The following SUPT4H1 variants were observed in gnomAD, a reference collection of about 807,000 sequenced individuals.
The protein encoded by SUPT4H1 is SPT4 homolog, DSIF elongation factor subunit, also known as transcription elongation factor SPT4.
Under a neutral mutation model 19.4 loss-of-function variants are expected in SUPT4H1, and 12 were observed. That is an observed-to-expected ratio of 0.62 (90% CI 0.40 to 1.00). The LOEUF (loss-of-function observed/expected upper bound fraction) is 1.00, where lower values mean the gene tolerates loss of function less well. Ranked by LOEUF, SUPT4H1 falls within the 50% of genes least tolerant of loss-of-function variation. SUPT4H1 has a pLI of 0.00. For missense variants in SUPT4H1, 115 were observed against 149.2 expected, an observed-to-expected ratio of 0.77 and a Z score of 1.19; for synonymous variants, 58 against 56.3, an observed-to-expected ratio of 1.03 and a Z score of -0.14.
intron 2 of SUPT4H1, among the ~76,000 whole-genome samples, chr17:58,350,824 G>A (rs1175070173): frequency 1.1e-4 from 8 of 71,926 alleles, no homozygotes; most frequent in East Asian, 4.7e-4. Context: ...TGGCAAGGGC[G>A]AAAAGTCTGT....
intron 2 of SUPT4H1, among the ~76,000 whole-genome samples, chr17:58,349,957 G>GT (rs1240028998): frequency 1.3e-5 from 2 of 152,038 alleles, no homozygotes; most frequent in African/African-American, 4.8e-5. Flanking sequence ...TTGCACAACA[G>GT]TGAGTATGCA....
At chr17:58,351,751 C>A in intron 1 of SUPT4H1, 1 of 574,892 alleles carries the variant, frequency 1.7e-6, no homozygotes, top group Non-Finnish European at 3.1e-6. Context: ...CAGGGTCAGG[C>A]ATCCTTTCCG....
In SUPT4H1 at chr17:58,347,512, G is replaced by A. The variant is rs941239693; in HGVS notation, c.232+17C>T. On this transcript the variant is annotated intron_variant, in intron 3 of 4. Coordinates refer to ENST00000225504, the MANE Select transcript of SUPT4H1 (RefSeq NM_003168.3). ...CAACACTACAACTAAGCCAAAAGGA[G>A]ACAGGCCAACACTTACTGACTCGCT... 12 of 1,614,108 alleles carry A rather than the reference G, an allele frequency of 7.4e-6. No homozygotes were observed. The highest frequency in any genetic ancestry group is 1.0e-5 in the Non-Finnish European group (12 of 1,179,962).
intron 2 of SUPT4H1, among the ~76,000 whole-genome samples, chr17:58,348,039 T>C (rs2143302795): frequency 6.6e-6 from 1 of 152,304 alleles, no homozygotes; most frequent in Non-Finnish European, 1.5e-5. Context: ...TCTAATGACC[T>C]ATACATGTGG....
intron 3 of SUPT4H1, 52 bp downstream of exon 3, chr17:58,347,477 G>A (rs1972334651): frequency 6.2e-7 from 1 of 1,603,214 alleles, no homozygotes; most frequent in South Asian, 1.1e-5. Context: ...ATGGACCTGA[G>A]GAACAGTAAC....
At chr17:58,347,074 C>G in intron 4 of SUPT4H1, 114 bp downstream of exon 4, 1 of 1,045,832 alleles carries the variant, frequency 9.6e-7, no homozygotes, top group South Asian at 1.4e-5. Context: ...CCTGGTTCCC[C>G]CCATCTGTAA....
At chr17:58,351,263 A>G (rs2143333411) in intron 2 of SUPT4H1, 139 bp downstream of exon 2, 1 of 600,402 alleles carries the variant, frequency 1.7e-6, no homozygotes, top group Non-Finnish European at 2.9e-6. Flanking sequence ...AAAAAAAAAA[A>G]AAAAAAAAAA....
chr17:58,345,976 G>T lies in SUPT4H1; in HGVS notation c.*270C>A. 1 of 391,572 alleles carries T rather than the reference G, an allele frequency of 2.6e-6. No individual in the cohort carries two copies. The allele number at this position is 391,572 out of a possible 1,614,324, so 24.3% of individuals were successfully genotyped here. On this transcript the variant is annotated 3_prime_UTR_variant, in exon 5 of 5. Coordinates refer to ENST00000225504, the MANE Select transcript of SUPT4H1 (RefSeq NM_003168.3). ...CATTTGACCTAGAGTCCTTGGCATG[G>T]GGAAGGCACAGACCTGGGCCACGGG...
chr17:58,347,991 A>G (rs1020312600), intron 2 of SUPT4H1, among the ~76,000 whole-genome samples: 5 of 152,194 alleles, frequency 3.3e-5, no homozygotes, highest in Non-Finnish European at 7.3e-5. Context: ...AACTTGGCTA[A>G]ACTTTTCCTC....
chr17:58,351,671 A>T (rs995392438), intron 1 of SUPT4H1, 163 bp from the exon 2 acceptor site: 1 of 595,242 alleles, frequency 1.7e-6, no homozygotes, highest in Non-Finnish European at 3.0e-6. Flanking sequence ...TTCATTCCTA[A>T]GTCCCACCCT....
chr17:58,347,863 G>A (rs1598111144), intron 2 of SUPT4H1, among the ~76,000 whole-genome samples: 1 of 152,296 alleles, frequency 6.6e-6, no homozygotes, highest in Non-Finnish European at 1.5e-5. Context: ...TAGAAAATGA[G>A]ACGGCTTTAG....
At chr17:58,351,850 AG>A in intron 1 of SUPT4H1, 1 of 594,212 alleles carries the variant, frequency 1.7e-6, no homozygotes, top group South Asian at 2.0e-5. Context: ...CTAAGAGCTG[AG>A]GATTCAAAGG....
Position 58,352,167 on chromosome 17 carries a change from GA to G in SUPT4H1, c.-33del. 6.2e-7 allele frequency: 1 copy of G among 1,609,204 alleles called. No individual in the cohort carries two copies. Among genetic ancestry groups the G allele is most frequent in the East Asian group, 2.2e-5 (1 of 44,850 alleles). ...CGATGGGAAGAACAACAGGGAGATA[GA>G]CGACCACAGCCTGTGCACCCGCAGG... is the stretch of plus-strand genomic sequence containing the variant. On this transcript the variant is annotated 5_prime_UTR_variant, in exon 1 of 5. Transcript: ENST00000225504.
intron 4 of SUPT4H1, 180 bp from the exon 5 acceptor site, chr17:58,346,493 G>C (rs2143290501): frequency 1.7e-6 from 1 of 589,794 alleles, no homozygotes; most frequent in Admixed American, 2.7e-5. Flanking sequence ...GGGAGGTCAA[G>C]GTGGATCACT....
rs143054085 is a variant in SUPT4H1 at position 58,348,427 on chromosome 17, C to G, written c.177-843G>C. On this transcript the variant is annotated intron_variant, in intron 2 of 4. Transcript: ENST00000225504. ...TCCCTTCCCATCCAAATCCTACATTCTCAGCCATGCGCTGTTAAGTGGAAC... is the reference window on the plus strand; with the variant it reads ...TCCCTTCCCATCCAAATCCTACATTGTCAGCCATGCGCTGTTAAGTGGAAC... 2.2e-3 allele frequency among the ~76,000 whole-genome samples: 333 copies of G among 152,272 alleles called. 2 individuals carry two copies. The highest frequency in any genetic ancestry group is 5.9e-3 in the African/African-American group (246 of 41,544).
intron 2 of SUPT4H1, among the ~76,000 whole-genome samples, chr17:58,349,451 T>C (rs2143312500): frequency 6.6e-6 from 1 of 152,318 alleles, no homozygotes; most frequent in South Asian, 2.1e-4. Context: ...ATTCAGTAGG[T>C]TGGGTGTGTT....
chr17:58,346,343 G>T lies in SUPT4H1; in HGVS notation c.287-30C>A. On this transcript the variant is annotated intron_variant, in intron 4 of 4. Transcript: ENST00000225504. ...AGCAGGAAAAGAAACAGTTCTGTGA[G>T]GTAAGATTCAGAAGGGTAAGATAGG... 2 of 1,607,918 alleles carry T rather than the reference G, an allele frequency of 1.2e-6. No homozygotes were observed. The highest frequency in any genetic ancestry group is 1.7e-4 in the Middle Eastern group (1 of 6,046).
At chr17:58,348,583 T>C (rs1014983292) in intron 2 of SUPT4H1, among the ~76,000 whole-genome samples, 3 of 152,210 alleles carry the variant, frequency 2.0e-5, no homozygotes, top group Non-Finnish European at 2.9e-5. Flanking sequence ...AATCTATCTT[T>C]TTAGCCTTAG....
chr17:58,347,717 G>A, intron 2 of SUPT4H1, 133 bp from the exon 3 acceptor site: 1 of 823,426 alleles, frequency 1.2e-6, no homozygotes, highest in Non-Finnish European at 2.0e-6. Flanking sequence ...TTCTGATGTT[G>A]GGATGAGGCT....
Sources: allele counts gnomAD v4.1 joint callset (sites outside exome capture counted in the v4.1 genomes callset), GRCh38; gene constraint gnomAD v4.1.1; transcripts MANE v1.5; gene names NCBI Gene and HGNC (gene_info 2026-07-23, HGNC 2026-07-21).